HSPD1: variants seen among roughly 807,000 people sequenced by gnomAD.
The protein encoded by HSPD1 is heat shock protein family D (Hsp60) member 1.
Under a neutral mutation model 53.0 loss-of-function variants are expected in HSPD1, and 3 were observed. That is an observed-to-expected ratio of 0.06 (90% CI 0.03 to 0.15). The LOEUF (loss-of-function observed/expected upper bound fraction) is 0.15, where lower values mean the gene tolerates loss of function less well. HSPD1 is among the 10% of genes least tolerant of loss of function. The probability of loss-of-function intolerance (pLI) is 1.00; values close to 1 mark genes in which losing one functional copy is unlikely to be tolerated. For synonymous variants in HSPD1, 200 were observed against 228.0 expected, an observed-to-expected ratio of 0.88 and a Z score of 1.10; for missense variants, 431 against 694.1, an observed-to-expected ratio of 0.62 and a Z score of 4.26.
rs529369453 is a variant in HSPD1 at position 197,489,371 on chromosome 2, A to G, written c.970-124T>C. Reference sequence around the variant, plus strand: ...TATTTCTTTGAAATGAGAGATTTTAAGATCACTGTTAGTCCAGAACAAGAC... The same window carrying G: ...TATTTCTTTGAAATGAGAGATTTTAGGATCACTGTTAGTCCAGAACAAGAC... On this transcript the variant is annotated intron_variant, in intron 8 of 11. Coordinates refer to ENST00000388968, the MANE Select transcript of HSPD1 (RefSeq NM_002156.5). The G allele has an allele frequency of 1.0e-4, 103 of 1,025,970 alleles. 1 individual carries two copies. Among genetic ancestry groups the G allele is most frequent in the Admixed American group, 9.9e-4 (49 of 49,396 alleles). 63.6% of individuals were successfully genotyped at this position (1,025,970 alleles called of 1,614,324 possible). A position where few individuals can be genotyped will look rare whatever the true frequency, so the allele number is the denominator to read the frequency against.
Position 197,494,085 on chromosome 2 carries a change from G to A in HSPD1, c.700+72C>T, listed in dbSNP as rs191470344. 81 of 788,784 alleles carry A rather than the reference G, an allele frequency of 1.0e-4. 1 individual carries two copies. The highest frequency in any genetic ancestry group is 4.4e-4 in the Admixed American group (23 of 52,436). The allele number at this position is 788,784 out of a possible 1,614,324, so 48.9% of individuals were successfully genotyped here. On this transcript the variant is annotated intron_variant, in intron 6 of 11. Coordinates refer to ENST00000388968, the MANE Select transcript of HSPD1 (RefSeq NM_002156.5). ...CACATCATGCCACTGCACTCCAGCC[G>A]GGGCAACAGAGAATGAGACTCTGTC...
At chr2:197,492,937 A>C (rs1243857028) in intron 7 of HSPD1, among the ~76,000 whole-genome samples, 2 of 151,384 alleles carry the variant, frequency 1.3e-5, no homozygotes, top group African/African-American at 4.9e-5. Flanking sequence ...AACCTAGGAG[A>C]TGGAGATTGC....
At chr2:197,489,333 C>T in intron 8 of HSPD1, 86 bp from the exon 9 acceptor site, 1 of 1,312,832 alleles carries the variant, frequency 7.6e-7, no homozygotes. Context: ...GCAAGAGAAT[C>T]ATCAAAATAC....
At chr2:197,494,298 A>G in intron 5 of HSPD1, 48 bp from the exon 6 acceptor site, 4 of 923,086 alleles carry the variant, frequency 4.3e-6, no homozygotes, top group Non-Finnish European at 7.3e-6. Flanking sequence ...TGAACACAAA[A>G]CATGGAATTA....
At position 197,490,727 on chromosome 2, in the gene HSPD1, G is replaced by A. The variant is rs1265241380; in HGVS notation, c.870-431C>T. ...CACCTGTAATCCCCACTACTCAGGA[G>A]GCCGAGCAGCAAAAATCACATCACA... On this transcript the variant is annotated intron_variant, in intron 7 of 11. Coordinates refer to ENST00000388968, the MANE Select transcript of HSPD1 (RefSeq NM_002156.5). Among the ~76,000 whole-genome samples, 4 of 152,236 alleles carry A rather than the reference G, an allele frequency of 2.6e-5. No individual in the cohort carries two copies. In the East Asian group the frequency reaches 5.8e-4, roughly 22 times the overall value.
Position 197,497,216 on chromosome 2 carries a change from A to T in HSPD1, c.351T>A (p.Thr117=). ...EEAGDGTTTA[T]VLARSIAKEG... ...CCTTGGCTATAGAGCGTGCCAGTAC[A>T]GTAGCAGTGGTAGTGCCATCCCCAG... The change falls in exon 3 of 12, where the codon ACT becomes ACA. Residue 117 remains threonine (T), a synonymous_variant. Transcript: ENST00000388968. The T allele has an allele frequency of 1.9e-6, 3 of 1,613,936 alleles. No individual in the cohort carries two copies. Among genetic ancestry groups the T allele is most frequent in the Non-Finnish European group, 2.5e-6 (3 of 1,179,760 alleles).
chr2:197,488,082 A>G (rs764512447), intron 10 of HSPD1, 46 bp from the exon 11 acceptor site: 4 of 1,296,812 alleles, frequency 3.1e-6, no homozygotes, highest in Non-Finnish European at 4.4e-6. Context: ...ATTTGTAAAT[A>G]TTGTAACACA....
chr2:197,496,066 C>G (rs1453899807), intron 3 of HSPD1, among the ~76,000 whole-genome samples: 2 of 152,300 alleles, frequency 1.3e-5, no homozygotes, highest in African/African-American at 4.8e-5. Flanking sequence ...TTATTTTCAA[C>G]AAGAAGTACA....
chr2:197,488,826 C>T (rs759639621), intron 9 of HSPD1, among the ~76,000 whole-genome samples, 176 bp downstream of exon 9: 7 of 152,208 alleles, frequency 4.6e-5, no homozygotes, highest in Admixed American at 6.5e-5. Flanking sequence ...CGAGATCGCA[C>T]CACTGCATCC....
Position 197,487,838 on chromosome 2 carries a change from G to GA in HSPD1, c.1569+19dup. The GA allele has an allele frequency of 6.2e-7, 1 of 1,601,130 alleles. No individual in the cohort carries two copies. Among genetic ancestry groups the GA allele is most frequent in the Non-Finnish European group, 8.6e-7 (1 of 1,168,360 alleles). ...AAAATGAACAACAAAAGAATTTTTA[G>GA]AAAGTGTTCAACCATTTACCTTTGT... On this transcript the variant is annotated intron_variant, in intron 11 of 11. Transcript: ENST00000388968.
intron 2 of HSPD1, 60 bp downstream of exon 2, chr2:197,498,615 A>C (rs1456932764): frequency 7.0e-7 from 1 of 1,429,970 alleles, no homozygotes; most frequent in African/African-American, 1.4e-5. Flanking sequence ...CAGTGCGACT[A>C]TTTGTGAGTA....
chr2:197,492,951 G>A (rs760191302), intron 7 of HSPD1, among the ~76,000 whole-genome samples: 1 of 149,396 alleles, frequency 6.7e-6, no homozygotes, highest in Non-Finnish European at 1.5e-5. Flanking sequence ...AGATTGCAGT[G>A]AGCCAAGATT....
rs766297735 is a variant in HSPD1, at chr2:197,497,259, T to C, written c.308A>G (p.Asn103Ser). ...ATCCCCAGCTTCTTCATTTGTGTTA[T>C]TGGCAACATCTTGAACAAGTTTAGC... Reference protein sequence around the residue: ...IGAKLVQDVANNTNEEAGDGT... With the variant: ...IGAKLVQDVASNTNEEAGDGT... Residue 103 changes from asparagine (N) to serine (S), a missense_variant, in exon 3 of 12, where the codon AAT becomes AGT. By Grantham distance (46) the Asn-to-Ser change is conservative. Around this residue, in one of 2 missense-constraint regions of HSPD1, gnomAD observed 386 missense variants for 657.6 expected, o/e 0.59. Coordinates refer to ENST00000388968, the MANE Select transcript of HSPD1 (RefSeq NM_002156.5). 3.8e-5 allele frequency: 61 copies of C among 1,614,192 alleles called. 1 individual carries two copies. The highest frequency in any genetic ancestry group is 2.0e-4 in the South Asian group (18 of 91,084).
intron 8 of HSPD1, 125 bp downstream of exon 8, chr2:197,490,072 C>T: frequency 2.6e-6 from 2 of 777,536 alleles, no homozygotes; most frequent in Admixed American, 2.0e-5. Context: ...TAATCCAACC[C>T]CTACCTTCCA....
intron 5 of HSPD1, 147 bp from the exon 6 acceptor site, chr2:197,494,397 G>A: frequency 3.1e-6 from 2 of 653,116 alleles, no homozygotes; most frequent in Non-Finnish European, 2.8e-6. Flanking sequence ...TTACACTTCT[G>A]CAAAAAATCC....
intron 3 of HSPD1, 115 bp from the exon 4 acceptor site, chr2:197,495,491 T>TC: frequency 1.5e-6 from 1 of 650,494 alleles, no homozygotes; most frequent in Non-Finnish European, 2.7e-6. Context: ...AAAAAAAAAT[T>TC]TTTTTTTTTT....
chr2:197,498,923 G>A, intron 1 of HSPD1, 73 bp from the exon 2 acceptor site: 1 of 1,328,758 alleles, frequency 7.5e-7, no homozygotes. Flanking sequence ...GCCCACCTGT[G>A]CAACAGAGCA....
At chr2:197,494,914 T>C in intron 4 of HSPD1, 162 bp from the exon 5 acceptor site, 1 of 655,822 alleles carries the variant, frequency 1.5e-6, no homozygotes, top group Admixed American at 2.6e-5. Flanking sequence ...TTCTTTGCTC[T>C]TTTCCGATTC....
intron 7 of HSPD1, among the ~76,000 whole-genome samples, chr2:197,490,977 A>G (rs2086084307): frequency 6.6e-6 from 1 of 152,212 alleles, no homozygotes; most frequent in South Asian, 2.1e-4. Flanking sequence ...TGGAATGTGT[A>G]ATCAAATGTC....
Sources: gnomAD v4.1 joint callset for allele counts (sites outside exome capture counted in the v4.1 genomes callset) on GRCh38, gnomAD v4.1.1 for gene constraint, gnomAD v4.1.1 regional missense constraint, MANE v1.5 for transcripts, NCBI Gene and HGNC (gene_info 2026-07-23, HGNC 2026-07-21) for gene names.